Variants in AGBL4 observed in about 807,000 individuals in gnomAD.
AGBL4 encodes the protein AGBL carboxypeptidase 4.
A neutral mutation model predicts 66.4 loss-of-function variants in AGBL4; 58 were observed. That is an observed-to-expected ratio of 0.87 (90% CI 0.71 to 1.09). The LOEUF is 1.09. Among genes scored for constraint, AGBL4 ranks in the 50% least tolerant of loss-of-function variants. AGBL4 has a pLI of 0.00. For synonymous variants in AGBL4, 234 were observed against 222.9 expected (o/e 1.05, Z -0.44); for missense variants, 579 against 631.0 (o/e 0.92, Z 0.88).
intron 3 of AGBL4, among the ~76,000 whole-genome samples, chr1:49,263,503 A>C (rs988044641): frequency 3.3e-5 from 5 of 152,250 alleles, no homozygotes; most frequent in African/African-American, 1.2e-4. Flanking sequence ...TAGAAGGAGG[A>C]ATATAAAGGT....
At chr1:49,727,105 C>G (rs1421390691) in intron 2 of AGBL4, among the ~76,000 whole-genome samples, 9 of 152,078 alleles carry the variant, frequency 5.9e-5, no homozygotes, top group Non-Finnish European at 1.2e-4. Context: ...CAATCTGTAT[C>G]AACCACTGTG....
chr1:49,471,988 T>C (rs1191147491), intron 3 of AGBL4: 1 of 152,012 alleles, frequency 6.6e-6, no homozygotes, highest in Admixed American at 6.6e-5. Context: ...ACCAGAACTT[T>C]TACTCACCTC....
At chr1:48,893,817 C>T (rs1318379726) in intron 5 of AGBL4, among the ~76,000 whole-genome samples, 1 of 152,124 alleles carries the variant, frequency 6.6e-6, no homozygotes, top group African/African-American at 2.4e-5. Context: ...TCAGCAGAAC[C>T]CAACCATGCT....
At chr1:49,916,514 T>A (rs535418167) in intron 1 of AGBL4, among the ~76,000 whole-genome samples, 1 of 152,188 alleles carries the variant, frequency 6.6e-6, no homozygotes, top group East Asian at 1.9e-4. Context: ...TGAAATGAAG[T>A]GACAAGGGAA....
At chr1:49,455,297 A>G (rs1646364823) in intron 3 of AGBL4, among the ~76,000 whole-genome samples, 2 of 151,744 alleles carry the variant, frequency 1.3e-5, no homozygotes, top group Admixed American at 1.3e-4. Context: ...CCTTGAGAAA[A>G]TCAAGTAATA....
intron 6 of AGBL4, among the ~76,000 whole-genome samples, chr1:48,836,703 C>T (rs1032571977): frequency 7.2e-5 from 11 of 152,162 alleles, no homozygotes; most frequent in East Asian, 3.9e-4. Context: ...TTCTTAACTT[C>T]GTTTGGTGTC....
chr1:49,054,284 A>G (rs1038192987), intron 4 of AGBL4, among the ~76,000 whole-genome samples: 2 of 152,126 alleles, frequency 1.3e-5, no homozygotes, highest in African/African-American at 4.8e-5. Context: ...ATATAATTCA[A>G]TTATTTTCAT....
At chr1:48,573,686 T>C (rs1644604434) in intron 11 of AGBL4, among the ~76,000 whole-genome samples, 1 of 152,196 alleles carries the variant, frequency 6.6e-6, no homozygotes, top group Admixed American at 6.5e-5. Context: ...CTCTTAGGAA[T>C]CTTAAGAACC....
intron 5 of AGBL4, among the ~76,000 whole-genome samples, chr1:48,892,822 T>TC (rs1399778314): frequency 2.6e-5 from 4 of 152,058 alleles, no homozygotes; most frequent in African/African-American, 7.2e-5. Flanking sequence ...CTCTAACCAT[T>TC]CCCCCCCTTT....
intron 3 of AGBL4, among the ~76,000 whole-genome samples, chr1:49,423,491 G>T (rs571947553): frequency 2.6e-4 from 39 of 152,208 alleles, no homozygotes; most frequent in African/African-American, 8.9e-4. Context: ...AAATCAAGTT[G>T]GTAGAAAAGA....
intron 4 of AGBL4, among the ~76,000 whole-genome samples, chr1:49,079,909 C>A (rs1196404735): frequency 6.6e-6 from 1 of 152,084 alleles, no homozygotes; most frequent in African/African-American, 2.4e-5. Context: ...TATCAATTCC[C>A]CCAAATTATT....
At chr1:49,892,884 T>C (rs1023162842) in intron 1 of AGBL4, among the ~76,000 whole-genome samples, 2 of 152,200 alleles carry the variant, frequency 1.3e-5, no homozygotes, top group African/African-American at 2.4e-5. Flanking sequence ...CCATTATTCA[T>C]GGTAGTCTGC....
chr1:48,964,944 G>A (rs1658300162), intron 5 of AGBL4, among the ~76,000 whole-genome samples: 1 of 152,044 alleles, frequency 6.6e-6, no homozygotes, highest in South Asian at 2.1e-4. Flanking sequence ...GTAAAGCCAG[G>A]GTTTGAACCC....
At chr1:49,958,316 G>A (rs2148337763) in intron 1 of AGBL4, among the ~76,000 whole-genome samples, 1 of 152,042 alleles carries the variant, frequency 6.6e-6, no homozygotes, top group East Asian at 1.9e-4. Context: ...TTCAACTTTG[G>A]TGAATCTGAC....
At chr1:48,680,267 T>C (rs887054097) in intron 6 of AGBL4, among the ~76,000 whole-genome samples, 5 of 152,220 alleles carry the variant, frequency 3.3e-5, no homozygotes, top group Non-Finnish European at 5.9e-5. Context: ...GCTCTGGATT[T>C]CTAATTAATG....
intron 6 of AGBL4, among the ~76,000 whole-genome samples, chr1:48,819,102 A>C (rs948950960): frequency 2.4e-4 from 36 of 152,198 alleles, no homozygotes; most frequent in Admixed American, 3.9e-4. Flanking sequence ...TCGTACAGAC[A>C]GTTTTCTCCT....
At chr1:49,041,335 A>G (rs571312948) in intron 5 of AGBL4, among the ~76,000 whole-genome samples, 18 of 152,260 alleles carry the variant, frequency 1.2e-4, no homozygotes, top group African/African-American at 3.8e-4. Context: ...AGTATGCCAG[A>G]AAGCCTTAAA....
chr1:48,605,289 A>G (rs950943941), intron 9 of AGBL4, among the ~76,000 whole-genome samples: 1 of 152,204 alleles, frequency 6.6e-6, no homozygotes. Context: ...TCAGGTCCTC[A>G]AGAATCTGCC....
At chr1:49,534,112 T>G (rs775542923) in intron 3 of AGBL4, among the ~76,000 whole-genome samples, 2 of 145,872 alleles carry the variant, frequency 1.4e-5, no homozygotes, top group Non-Finnish European at 3.0e-5. Context: ...TTCCCTTGCA[T>G]GTGTTAGCTC....
Sources: gnomAD v4.1 joint callset for allele counts (sites outside exome capture counted in the v4.1 genomes callset) on GRCh38, gnomAD v4.1.1 for gene constraint, MANE v1.5 for transcripts, NCBI Gene and HGNC (gene_info 2026-07-23, HGNC 2026-07-21) for gene names.